The following CSMD3 variants were observed in gnomAD, a reference collection of about 807,000 sequenced individuals.
CSMD3 encodes CUB and sushi domain-containing protein 3.
CSMD3 carries 177 observed loss-of-function variants against 435.2 expected under a neutral mutation model. The ratio of observed to expected loss-of-function variants is 0.41; its 90% CI spans 0.36 to 0.46. The LOEUF (loss-of-function observed/expected upper bound fraction) is 0.46, where lower values mean the gene tolerates loss of function less well. Among genes scored for constraint, CSMD3 ranks in the 20% least tolerant of loss-of-function variants. The pLI, the probability that CSMD3 is intolerant of heterozygous loss-of-function variation, is 0.34. For synonymous variants in CSMD3, 1,656 were observed against 1,520.5 expected (o/e 1.09, Z -2.07); for missense variants, 4,265 against 4,504.6 (o/e 0.95, Z 1.52).
At chr8:112,526,027 A>C (rs952394693) in intron 27 of CSMD3, among the ~76,000 whole-genome samples, 1 of 150,076 alleles carries the variant, frequency 6.7e-6, no homozygotes, top group Non-Finnish European at 1.5e-5. Context: ...TCTTCTAAAG[A>C]AATCACACTT....
At chr8:112,345,841 A>T (rs183977160) in intron 41 of CSMD3, among the ~76,000 whole-genome samples, 12 of 151,010 alleles carry the variant, frequency 7.9e-5, no homozygotes, top group African/African-American at 2.5e-4. Flanking sequence ...TTTATTTGTC[A>T]ATTAAAAAAT....
At chr8:113,429,279 GTAAC>G (rs2094655773) in intron 1 of CSMD3, among the ~76,000 whole-genome samples, 1 of 151,566 alleles carries the variant, frequency 6.6e-6, no homozygotes, top group South Asian at 2.1e-4. Context: ...AGATGAAAAT[GTAAC>G]TAGAGAGAAT....
chr8:112,723,116 A>C (rs968509978), intron 13 of CSMD3, among the ~76,000 whole-genome samples: 4 of 152,158 alleles, frequency 2.6e-5, no homozygotes, highest in Admixed American at 2.0e-4. Flanking sequence ...TGAAAATCTT[A>C]AAATGTAATA....
chr8:112,332,627 G>A (rs1424504937), intron 45 of CSMD3, among the ~76,000 whole-genome samples: 1 of 152,100 alleles, frequency 6.6e-6, no homozygotes, highest in Non-Finnish European at 1.5e-5. Context: ...ATGAACTCTG[G>A]CTATGCTCCC....
At chr8:113,276,932 G>A (rs766799545) in intron 3 of CSMD3, among the ~76,000 whole-genome samples, 3 of 151,906 alleles carry the variant, frequency 2.0e-5, no homozygotes, top group Non-Finnish European at 4.4e-5. Context: ...ATTTAGTGTG[G>A]TATATGTAGA....
chr8:112,294,176 A>G (rs1485088668), intron 54 of CSMD3, among the ~76,000 whole-genome samples: 2 of 152,072 alleles, frequency 1.3e-5, no homozygotes, highest in Admixed American at 6.6e-5. Context: ...TAGATGTTCT[A>G]TTATCCTATT....
chr8:113,019,747 C>A (rs2086616278), intron 5 of CSMD3, among the ~76,000 whole-genome samples: 1 of 151,890 alleles, frequency 6.6e-6, no homozygotes, highest in Non-Finnish European at 1.5e-5. Context: ...CCCTCCTATC[C>A]ACTTAATGTT....
intron 38 of CSMD3, among the ~76,000 whole-genome samples, chr8:112,377,047 A>G (rs1210744251): frequency 6.6e-6 from 1 of 152,102 alleles, no homozygotes; most frequent in Admixed American, 6.6e-5. Context: ...AAAGTTTTGC[A>G]GGAATTTGGG....
chr8:112,714,386 T>A (rs774209031), intron 13 of CSMD3, among the ~76,000 whole-genome samples: 11 of 152,168 alleles, frequency 7.2e-5, no homozygotes, highest in Non-Finnish European at 1.6e-4. Flanking sequence ...CTATTCTAGA[T>A]ATATATGTAC....
At chr8:112,275,524 G>T (rs567026745) in intron 59 of CSMD3, among the ~76,000 whole-genome samples, 1 of 152,158 alleles carries the variant, frequency 6.6e-6, no homozygotes, top group South Asian at 2.1e-4. Context: ...TCCAGCCTGG[G>T]CAACAAGAGC....
At chr8:112,415,165 C>G (rs538182512) in intron 32 of CSMD3, among the ~76,000 whole-genome samples, 138 of 152,292 alleles carry the variant, frequency 9.1e-4, no homozygotes, top group African/African-American at 3.2e-3. Flanking sequence ...CATCAAAGGC[C>G]CAAAGGCTTA....
intron 32 of CSMD3, among the ~76,000 whole-genome samples, chr8:112,410,589 T>C (rs1253089200): frequency 1.7e-5 from 2 of 119,906 alleles, no homozygotes; most frequent in Non-Finnish European, 3.5e-5. Flanking sequence ...TACATACATA[T>C]GTATATATAT....
chr8:112,956,487 G>A (rs981006918), intron 7 of CSMD3, among the ~76,000 whole-genome samples: 2 of 152,004 alleles, frequency 1.3e-5, no homozygotes, highest in Admixed American at 6.6e-5. Context: ...TTATAAGTAG[G>A]AATCTACCTC....
At chr8:112,489,074 T>C (rs1051728445) in intron 31 of CSMD3, among the ~76,000 whole-genome samples, 1 of 152,178 alleles carries the variant, frequency 6.6e-6, no homozygotes, top group Admixed American at 6.5e-5. Flanking sequence ...TTACGAACAA[T>C]GAACCCTCTG....
At chr8:113,399,130 A>ATG (rs1192959620) in intron 1 of CSMD3, among the ~76,000 whole-genome samples, 2 of 135,466 alleles carry the variant, frequency 1.5e-5, no homozygotes, top group Admixed American at 1.6e-4. Context: ...CACACTATAT[A>ATG]TGTGTGTGTA....
chr8:112,714,893 C>T (rs754816199), intron 13 of CSMD3, among the ~76,000 whole-genome samples: 1 of 152,180 alleles, frequency 6.6e-6, no homozygotes, highest in African/African-American at 2.4e-5. Flanking sequence ...AAAGAGACAA[C>T]ATACCAGAAT....
chr8:112,531,630 T>C (rs1825547970), intron 27 of CSMD3, among the ~76,000 whole-genome samples: 2 of 152,148 alleles, frequency 1.3e-5, no homozygotes, highest in South Asian at 4.1e-4. Context: ...CACTAGATGG[T>C]TGCAGTGCAG....
At chr8:113,308,397 T>C (rs1031768300) in intron 2 of CSMD3, among the ~76,000 whole-genome samples, 14 of 149,028 alleles carry the variant, frequency 9.4e-5, no homozygotes, top group African/African-American at 3.2e-4. Flanking sequence ...GCCTCCCCAG[T>C]AGCTGGGACT....
intron 4 of CSMD3, among the ~76,000 whole-genome samples, chr8:113,106,011 T>C (rs940404207): frequency 2.6e-5 from 4 of 151,966 alleles, no homozygotes; most frequent in Admixed American, 2.0e-4. Flanking sequence ...ATAGCAGATA[T>C]AACTATATTC....
Sources: gnomAD v4.1 joint callset for allele counts (sites outside exome capture counted in the v4.1 genomes callset) on GRCh38, gnomAD v4.1.1 for gene constraint, MANE v1.5 for transcripts, NCBI Gene and HGNC (gene_info 2026-07-23, HGNC 2026-07-21) for gene names.